The following LGMN variants were observed in gnomAD, a reference collection of about 807,000 sequenced individuals.
The protein encoded by LGMN is asparaginyl endopeptidase.
Under a neutral mutation model 56.8 loss-of-function variants are expected in LGMN, and 36 were observed. The ratio of observed to expected loss-of-function variants is 0.63; its 90% CI spans 0.49 to 0.84. LGMN has a LOEUF of 0.84. Among genes scored for constraint, LGMN ranks in the 40% least tolerant of loss-of-function variants. The pLI is 0.00. For missense variants in LGMN, 446 were observed against 556.1 expected (o/e 0.80, Z 1.99); for synonymous variants, 199 against 210.1 (o/e 0.95, Z 0.46).
chr14:92,712,551 T>C (rs1051862973), intron 8 of LGMN, among the ~76,000 whole-genome samples: 1 of 152,198 alleles, frequency 6.6e-6, no homozygotes, highest in Non-Finnish European at 1.5e-5. Flanking sequence ...CCAAAGCCCA[T>C]GTAGTTTTAG....
At chr14:92,740,578 C>T (rs761458840) in intron 1 of LGMN, among the ~76,000 whole-genome samples, 6 of 152,152 alleles carry the variant, frequency 3.9e-5, no homozygotes, top group African/African-American at 9.7e-5. Context: ...TGGGAGGCCC[C>T]GGAACCACAG....
In LGMN at chr14:92,718,373, A is replaced by C. The variant is rs529982998; in HGVS notation, c.236+374T>G. Among the ~76,000 whole-genome samples the C allele has an allele frequency of 2.6e-5, 4 of 152,260 alleles. No individual in the cohort carries two copies. The East Asian group carries it at 7.7e-4, about 29-fold the overall frequency. ...CGGATCACTTGAGGTCAGGAGTTCA[A>C]GACCAGCCTGGCCAACATGGTGAAA... On this transcript the variant is annotated intron_variant, in intron 3 of 13. Coordinates refer to ENST00000334869, the MANE Select transcript of LGMN (RefSeq NM_005606.7).
chr14:92,735,921 C>G (rs1891284434), intron 1 of LGMN, among the ~76,000 whole-genome samples: 1 of 152,036 alleles, frequency 6.6e-6, no homozygotes, highest in Non-Finnish European at 1.5e-5. Context: ...GGAGGCTCCC[C>G]ACAAGTCCAC....
In LGMN at chr14:92,709,807, G is replaced by A. The variant is rs1889656368; in HGVS notation, c.885C>T (p.Pro295=). ...GGTCAAGGTGTGTGACTGGAGGTAG[G>A]GGGACGGGAGAACTGGCTTTGCGTT... The part of the protein sequence containing the change: ...GMKRKASSPV[P]LPPVTHLDLT... Residue 295 remains proline, a synonymous_variant, in exon 11 of 14, where the codon CCC becomes CCT. Coordinates refer to ENST00000334869, the MANE Select transcript of LGMN (RefSeq NM_005606.7). The A allele has an allele frequency of 1.2e-6, 2 of 1,614,034 alleles. No homozygotes were observed. The highest frequency in any genetic ancestry group is 2.2e-5 in the East Asian group (1 of 44,882).
chr14:92,712,692 G>T, intron 8 of LGMN, 113 bp downstream of exon 8: 1 of 935,946 alleles, frequency 1.1e-6, no homozygotes, highest in Non-Finnish European at 1.7e-6. Context: ...CACTTCTATG[G>T]CCCAGGCTGC....
chr14:92,745,469 C>CT, intron 1 of LGMN, among the ~76,000 whole-genome samples: 1 of 152,186 alleles, frequency 6.6e-6, no homozygotes, highest in East Asian at 1.9e-4. Context: ...ACCCACTCAT[C>CT]TTTTTTCCAC....
chr14:92,724,231 C>T (rs1890636851), intron 2 of LGMN, among the ~76,000 whole-genome samples: 1 of 152,326 alleles, frequency 6.6e-6, no homozygotes, highest in South Asian at 2.1e-4. Context: ...TGTGTTGTTA[C>T]TCCTGCACTG....
chr14:92,719,755 C>T (rs374939988), intron 2 of LGMN, among the ~76,000 whole-genome samples: 7 of 152,312 alleles, frequency 4.6e-5, no homozygotes, highest in Non-Finnish European at 8.8e-5. Context: ...TCCCTGTCCA[C>T]GCAAGGGTGA....
At chr14:92,705,518 C>CAAACA (rs1555396182) in intron 12 of LGMN, among the ~76,000 whole-genome samples, 2 of 151,106 alleles carry the variant, frequency 1.3e-5, no homozygotes, top group Non-Finnish European at 3.0e-5. Flanking sequence ...AACAAACAAA[C>CAAACA]AAAAAAAACA....
chr14:92,709,904 G>A (rs202101716), intron 10 of LGMN, 32 bp from the exon 11 acceptor site: 2 of 1,528,766 alleles, frequency 1.3e-6, no homozygotes, highest in Admixed American at 3.6e-5. Flanking sequence ...GAGAGCGAGA[G>A]AGAAAGCGAG....
intron 2 of LGMN, among the ~76,000 whole-genome samples, chr14:92,720,728 A>G (rs192706308): frequency 6.6e-6 from 1 of 152,288 alleles, no homozygotes; most frequent in African/African-American, 2.4e-5. Flanking sequence ...AAGGATGTCC[A>G]CATCCTAATC....
chr14:92,722,174 A>AT (rs534402099), intron 2 of LGMN, among the ~76,000 whole-genome samples: 122 of 146,204 alleles, frequency 8.3e-4, no homozygotes, highest in East Asian at 1.6e-3. Flanking sequence ...TACTAGTATA[A>AT]TTTTTTTTTT....
intron 1 of LGMN, among the ~76,000 whole-genome samples, chr14:92,744,900 T>C (rs1891753070): frequency 1.3e-5 from 2 of 152,152 alleles, no homozygotes; most frequent in Non-Finnish European, 2.9e-5. Context: ...GGCCTATCTT[T>C]TAGTATTATG....
At chr14:92,742,434 A>G (rs1371569876) in intron 1 of LGMN, among the ~76,000 whole-genome samples, 1 of 151,556 alleles carries the variant, frequency 6.6e-6, no homozygotes, top group Non-Finnish European at 1.5e-5. Flanking sequence ...AGTAGCTGAG[A>G]TTACAGGCAT....
chr14:92,719,335 GCCATCACCGCCACCA>G (rs1566924744), intron 2 of LGMN, among the ~76,000 whole-genome samples: 31 of 33,140 alleles, frequency 9.4e-4, no homozygotes, highest in South Asian at 3.5e-3. Context: ...CACCGCCACC[GCCATCACCGCCACCA>G]CCACCAACAC....
intron 2 of LGMN, among the ~76,000 whole-genome samples, chr14:92,720,461 A>G (rs1890400525): frequency 6.6e-6 from 1 of 152,194 alleles, no homozygotes; most frequent in Non-Finnish European, 1.5e-5. Context: ...TGAGGTCTGG[A>G]GTTCGAGACC....
intron 4 of LGMN, 74 bp from the exon 5 acceptor site, chr14:92,716,295 A>G (rs1890071594): frequency 2.9e-6 from 3 of 1,019,184 alleles, no homozygotes; most frequent in Non-Finnish European, 4.7e-6. Flanking sequence ...TCTGCAACCG[A>G]CCCATGCCAC....
intron 11 of LGMN, 32 bp from the exon 12 acceptor site, chr14:92,706,685 C>A: frequency 6.5e-7 from 1 of 1,531,000 alleles, no homozygotes; most frequent in Non-Finnish European, 8.9e-7. Flanking sequence ...CAGAATGTGC[C>A]TCCCTGAATG....
At chr14:92,717,990 C>T (rs1890157491) in intron 3 of LGMN, among the ~76,000 whole-genome samples, 1 of 152,110 alleles carries the variant, frequency 6.6e-6, no homozygotes. Context: ...CTGATCTCTG[C>T]AAGAAATCAG....
Sources: allele counts gnomAD v4.1 joint callset (sites outside exome capture counted in the v4.1 genomes callset), GRCh38; gene constraint gnomAD v4.1.1; transcripts MANE v1.5; gene names NCBI Gene and HGNC (gene_info 2026-07-23, HGNC 2026-07-21).